WDR86: variants seen among roughly 807,000 people sequenced by gnomAD.
The protein encoded by WDR86 is WD repeat domain 86.
A neutral mutation model predicts 36.5 loss-of-function variants in WDR86; 30 were observed. The ratio of observed to expected loss-of-function variants is 0.82; its 90% CI spans 0.61 to 1.11. The LOEUF (loss-of-function observed/expected upper bound fraction) is 1.11, where lower values mean the gene tolerates loss of function less well. WDR86 is among the 50% of genes most tolerant of loss of function. WDR86 has a pLI of 0.00. For missense variants in WDR86, 545 were observed against 561.2 expected (o/e 0.97, Z 0.29); for synonymous variants, 255 against 252.9 (o/e 1.01, Z -0.08).
rs554245592 is a variant in WDR86 at position 151,390,168 on chromosome 7, C to T, written c.727-4945G>A. On this transcript the variant is annotated intron_variant, in intron 3 of 5. Coordinates refer to ENST00000334493, the MANE Select transcript of WDR86 (RefSeq NM_198285.3). This position sits in a 1 kb window ranked among gnomAD's most constrained non-coding sequence, Gnocchi z 4.5. ...TCAGAGCTCGGGGAGACGGAGCACT[C>T]GCAGGGCCAGGGCTGCGGAGCAGGG... Among the ~76,000 whole-genome samples the T allele has an allele frequency of 4.6e-5, 7 of 152,312 alleles. No individual in the cohort carries two copies. The East Asian group carries it at 1.2e-3, about 25-fold the overall frequency.
chr7:151,408,993 AGTC>A (rs1800971574), intron 1 of WDR86: 1 of 477,142 alleles, frequency 2.1e-6, no homozygotes, highest in African/African-American at 2.0e-5. Flanking sequence ...TTGCTGTGAG[AGTC>A]GTCAACAGGA....
chr7:151,409,705 G>A lies in WDR86; in HGVS notation c.-116C>T, dbSNP rs1005464406. The A allele has an allele frequency of 1.9e-5, 25 of 1,297,472 alleles. No individual in the cohort carries two copies. Among genetic ancestry groups the A allele is most frequent in the Non-Finnish European group, 2.3e-5 (24 of 1,026,768 alleles). The allele number at this position is 1,297,472 out of a possible 1,614,324, so 80.4% of individuals were successfully genotyped here. A position where few individuals can be genotyped will look rare whatever the true frequency, so the allele number is the denominator to read the frequency against. On this transcript the variant is annotated 5_prime_UTR_variant, in exon 1 of 6. Transcript: ENST00000334493. This position sits in a 1 kb window ranked among gnomAD's most constrained non-coding sequence, Gnocchi z 5.2. ...CCGCGGCCATCGCGGGGAACGGGGA[G>A]CCCGACTCCTGCGGAGGCACGCGGC...
intron 2 of WDR86, among the ~76,000 whole-genome samples, chr7:151,397,657 G>GAGGGT (rs1799931033): frequency 2.3e-4 from 16 of 68,978 alleles, no homozygotes; most frequent in East Asian, 5.3e-4. Context: ...GCGGGAGGAA[G>GAGGGT]GGCATAGCGG....
chr7:151,380,620 C>A (rs1413900972), downstream of WDR86, among the ~76,000 whole-genome samples: 2 of 152,066 alleles, frequency 1.3e-5, no homozygotes, highest in Non-Finnish European at 2.9e-5. Flanking sequence ...GCTGAGGGGT[C>A]TCCTGCAGGG....
intron 1 of WDR86, among the ~76,000 whole-genome samples, chr7:151,403,900 G>A (rs1800521321): frequency 6.6e-6 from 1 of 152,212 alleles, no homozygotes; most frequent in Non-Finnish European, 1.5e-5. Flanking sequence ...TGGGCATTCA[G>A]GTGCCAGGCA....
At chr7:151,374,872 A>G (rs1157247037), downstream of WDR86, among the ~76,000 whole-genome samples, 1 of 152,184 alleles carries the variant, frequency 6.6e-6, no homozygotes, top group Non-Finnish European at 1.5e-5. Flanking sequence ...ACAAACTCAG[A>G]GCACACGTGG....
intron 1 of WDR86, 51 bp from the exon 2 acceptor site, chr7:151,400,292 T>C: frequency 6.7e-7 from 1 of 1,484,386 alleles, no homozygotes; most frequent in South Asian, 1.4e-5. Flanking sequence ...TGCCAGCTCC[T>C]GCTTTTCTTC....
At chr7:151,383,088 C>T (rs1439398459) in intron 4 of WDR86, among the ~76,000 whole-genome samples, 2 of 148,612 alleles carry the variant, frequency 1.3e-5, no homozygotes, top group African/African-American at 2.5e-5. Flanking sequence ...TGGGCTCAAA[C>T]GATCCTCCCG....
intron 4 of WDR86, among the ~76,000 whole-genome samples, chr7:151,383,013 C>G (rs1446758788): frequency 6.7e-6 from 1 of 149,440 alleles, no homozygotes; most frequent in Non-Finnish European, 1.5e-5. Flanking sequence ...GAGACAGGGT[C>G]TCACTCTGTT....
At chr7:151,398,317 CA>C (rs1231525445) in intron 2 of WDR86, among the ~76,000 whole-genome samples, 1 of 151,514 alleles carries the variant, frequency 6.6e-6, no homozygotes, top group Non-Finnish European at 1.5e-5. Flanking sequence ...GTGTAAGTTG[CA>C]TGTGCATGTG....
rs958453569 is a variant in WDR86 at position 151,388,026 on chromosome 7, C to T, written c.727-2803G>A. Among the ~76,000 whole-genome samples, 8 of 152,348 alleles carry T rather than the reference C, an allele frequency of 5.3e-5. No homozygotes were observed. Among genetic ancestry groups the T allele is most frequent in the Non-Finnish European group, 7.4e-5 (5 of 68,026 alleles). ...CAGCCCAGGGCCTGAACATGGTAACCCCCGCCCATCCCCAAAACGCAGGTG... is the reference window on the plus strand; with the variant it reads ...CAGCCCAGGGCCTGAACATGGTAACTCCCGCCCATCCCCAAAACGCAGGTG... On this transcript the variant is annotated intron_variant, in intron 3 of 5. Transcript: ENST00000334493. The surrounding 1 kb of genome is among the most constrained non-coding windows in gnomAD (Gnocchi z 4.2).
At chr7:151,402,026 T>C (rs1412623736) in intron 1 of WDR86, among the ~76,000 whole-genome samples, 31 of 94,486 alleles carry the variant, frequency 3.3e-4, no homozygotes, top group African/African-American at 1.3e-3. Context: ...CCAGCCTGGG[T>C]GACAGAGCAA....
At chr7:151,380,087 C>G (rs553399253), downstream of WDR86, among the ~76,000 whole-genome samples, 1 of 152,344 alleles carries the variant, frequency 6.6e-6, no homozygotes, top group African/African-American at 2.4e-5. Context: ...GTGCTTAAGT[C>G]TCACCCGGAG....
In WDR86 at chr7:151,409,258, G is replaced by T; in HGVS notation, c.163+169C>A. 1 of 1,175,514 alleles carries T rather than the reference G, an allele frequency of 8.5e-7. No homozygotes were observed. Among genetic ancestry groups the T allele is most frequent in the Non-Finnish European group, 1.2e-6 (1 of 829,832 alleles). The allele number at this position is 1,175,514 out of a possible 1,614,324, so 72.8% of individuals were successfully genotyped here. On this transcript the variant is annotated intron_variant, in intron 1 of 5. Coordinates refer to ENST00000334493, the MANE Select transcript of WDR86 (RefSeq NM_198285.3). The surrounding 1 kb of genome is among the most constrained non-coding windows in gnomAD (Gnocchi z 5.2). ...CCCAGACCTCACCCTGCCCTGCCGTGCGCTCAACAGCCAGATGCTGGGCCC... is the reference window on the plus strand; with the variant it reads ...CCCAGACCTCACCCTGCCCTGCCGTTCGCTCAACAGCCAGATGCTGGGCCC...
downstream of WDR86, chr7:151,376,546 TGA>T (rs950824533): frequency 1.5e-5 from 19 of 1,285,296 alleles, no homozygotes; most frequent in Middle Eastern, 2.6e-4. Context: ...CTCTTAAACA[TGA>T]GAGTCGGCTG....
chr7:151,387,634 T>G (rs1241805705), intron 3 of WDR86, among the ~76,000 whole-genome samples: 2 of 151,914 alleles, frequency 1.3e-5, no homozygotes, highest in African/African-American at 2.4e-5. Flanking sequence ...GGCCCGGGGC[T>G]CCGCCGCTGA....
intron 4 of WDR86, among the ~76,000 whole-genome samples, chr7:151,384,436 A>C (rs553252843): frequency 1.1e-3 from 175 of 152,366 alleles, no homozygotes; most frequent in Middle Eastern, 3.4e-3. Context: ...CAGCTAGAAG[A>C]CGCGTCCTTT....
downstream of WDR86, chr7:151,374,238 C>G (rs769514835): frequency 6.4e-7 from 1 of 1,554,106 alleles, no homozygotes; most frequent in Non-Finnish European, 8.7e-7. Context: ...GGATGAGGCC[C>G]TGAAGGTAGC....
At position 151,409,006 on chromosome 7, in the gene WDR86, A is replaced by G. The variant is rs1243213835; in HGVS notation, c.163+421T>C. 2.1e-6 allele frequency: 1 copy of G among 480,814 alleles called. No homozygotes were observed. The highest frequency in any genetic ancestry group is 1.5e-5 in the South Asian group (1 of 64,636). The allele number at this position is 480,814 out of a possible 1,614,324, so 29.8% of individuals were successfully genotyped here. ...TGTTGCTGTGAGAGTCGTCAACAGG[A>G]AATGCCAGCAGAAGAGCACAATTGG... On this transcript the variant is annotated intron_variant, in intron 1 of 5. Coordinates refer to ENST00000334493, the MANE Select transcript of WDR86 (RefSeq NM_198285.3). The surrounding 1 kb of genome is among the most constrained non-coding windows in gnomAD (Gnocchi z 5.2).
Sources: allele counts gnomAD v4.1 joint callset (sites outside exome capture counted in the v4.1 genomes callset), GRCh38; gene constraint gnomAD v4.1.1; non-coding constraint Gnocchi (gnomAD v3.1); transcripts MANE v1.5; gene names NCBI Gene and HGNC (gene_info 2026-07-23, HGNC 2026-07-21).